ARHGAP8: variants seen among roughly 807,000 people sequenced by gnomAD.
ARHGAP8 encodes Rho GTPase activating protein 8.
Under a neutral mutation model 46.1 loss-of-function variants are expected in ARHGAP8, and 62 were observed. The ratio of observed to expected loss-of-function variants is 1.34; its 90% CI spans 1.10 to 1.66. The LOEUF (loss-of-function observed/expected upper bound fraction) is 1.66. Among genes scored for constraint, ARHGAP8 ranks in the 40% most tolerant of loss-of-function variants. The pLI is 0.00. For missense variants in ARHGAP8, 923 were observed against 568.4 expected, an observed-to-expected ratio of 1.62 and a Z score of -6.34; for synonymous variants, 375 against 243.1, an observed-to-expected ratio of 1.54 and a Z score of -5.05.
chr22:44,761,019 G>T (rs1925090793), intron 1 of ARHGAP8, among the ~76,000 whole-genome samples: 1 of 152,192 alleles, frequency 6.6e-6, no homozygotes, highest in Non-Finnish European at 1.5e-5. Flanking sequence ...AGGAGAAAGG[G>T]CCCACTTGTA....
Position 44,825,754 on chromosome 22 carries a change from C to T in ARHGAP8, c.596+161C>T, listed in dbSNP as rs760499868. Among the ~76,000 whole-genome samples, 7 of 150,482 alleles carry T rather than the reference C, an allele frequency of 4.7e-5. 1 individual carries two copies. The highest frequency in any genetic ancestry group is 1.5e-5 in the Non-Finnish European group (1 of 67,772). ...TGAGCTCATCACTGAGGCCGTGGCTCGCTGCTCAGTGCCTGGTTGGGGGGG... is the reference window on the plus strand; with the variant it reads ...TGAGCTCATCACTGAGGCCGTGGCTTGCTGCTCAGTGCCTGGTTGGGGGGG... On this transcript the variant is annotated intron_variant, in intron 7 of 11. Transcript: ENST00000356099.
Position 44,845,274 on chromosome 22 carries a change from A to G in ARHGAP8, c.602A>G (p.Lys201Arg), listed in dbSNP as rs1158131800. The G allele has an allele frequency of 3.7e-6, 6 of 1,614,140 alleles. No individual in the cohort carries two copies. The highest frequency in any genetic ancestry group is 1.7e-5 in the Admixed American group (1 of 60,018). ...TTTCTTTTCTGTTTTCTCAGCCTCA[A>G]AGACAAAAATCAAGGCGAACTCATC... ...QQFGVSLQYL[K>R]DKNQGELIPP... The change falls in exon 8 of 12, where the codon AAA (lysine) becomes AGA (arginine). Residue 201 changes from lysine (K) to arginine (R), a missense_variant. Physicochemically the swap from Lys to Arg is conservative, Grantham distance 26. Transcript: ENST00000356099.
At chr22:44,814,150 A>C (rs1250384953) in intron 4 of ARHGAP8, among the ~76,000 whole-genome samples, 2 of 152,208 alleles carry the variant, frequency 1.3e-5, no homozygotes, top group Non-Finnish European at 2.9e-5. Flanking sequence ...GAGACTGGGA[A>C]GGAGGGAGAG....
chr22:44,860,410 C>T (rs2070415463), intron 11 of ARHGAP8, among the ~76,000 whole-genome samples: 1 of 151,906 alleles, frequency 6.6e-6, no homozygotes, highest in Non-Finnish European at 1.5e-5. Flanking sequence ...CCAGCTATGC[C>T]TCCAGCTCCC....
intron 3 of ARHGAP8, 129 bp from the exon 4 acceptor site, chr22:44,808,178 C>A (rs990666943): frequency 7.1e-7 from 1 of 1,417,126 alleles, no homozygotes; most frequent in Non-Finnish European, 9.5e-7. Flanking sequence ...GCCCACGGTG[C>A]ATGGAGTCTC....
chr22:44,774,858 T>C (rs1194693484), intron 1 of ARHGAP8, among the ~76,000 whole-genome samples: 2 of 150,958 alleles, frequency 1.3e-5, no homozygotes, highest in African/African-American at 2.4e-5. Context: ...GCGGATGGAG[T>C]CTCACTCTGT....
chr22:44,786,625 A>C lies in ARHGAP8; in HGVS notation c.79+19A>C. 8 of 1,610,300 alleles carry C rather than the reference A, an allele frequency of 5.0e-6. No individual in the cohort carries two copies. The highest frequency in any genetic ancestry group is 6.8e-6 in the Non-Finnish European group (8 of 1,178,680). On this transcript the variant is annotated intron_variant, in intron 2 of 11. Coordinates refer to ENST00000356099, the MANE Select transcript of ARHGAP8 (RefSeq NM_181335.3). Reference sequence around the variant, plus strand: ...GTGGCAGGTAGGGCCCCAGCTGGGCAGTCTGCAGGACCATGGGCAGAGCAG... The same window carrying C: ...GTGGCAGGTAGGGCCCCAGCTGGGCCGTCTGCAGGACCATGGGCAGAGCAG...
chr22:44,814,874 G>T (rs994905613), intron 5 of ARHGAP8, 116 bp downstream of exon 5: 9 of 1,260,176 alleles, frequency 7.1e-6, no homozygotes, highest in Middle Eastern at 5.2e-4. Context: ...GGGTGCCTGT[G>T]TATCTGGGGC....
chr22:44,858,046 G>T (rs4823400), intron 10 of ARHGAP8, among the ~76,000 whole-genome samples: 3,604 of 152,260 alleles, frequency 0.024, 67 homozygotes, highest in Non-Finnish European at 0.036. Flanking sequence ...CACCTGGCTC[G>T]GTTGAAATAC....
At chr22:44,847,492 ATTAAAG>A (rs2069986752) in intron 8 of ARHGAP8, among the ~76,000 whole-genome samples, 2 of 152,188 alleles carry the variant, frequency 1.3e-5, no homozygotes, top group South Asian at 4.1e-4. Context: ...TTTAATTTTA[ATTAAAG>A]TTAAATCCCC....
intron 1 of ARHGAP8, among the ~76,000 whole-genome samples, chr22:44,764,477 A>G (rs1925397283): frequency 6.6e-6 from 1 of 152,128 alleles, no homozygotes; most frequent in Admixed American, 6.5e-5. Flanking sequence ...GGCGCGTGCG[A>G]CGGTGGTTCT....
In ARHGAP8 at chr22:44,774,363, C is replaced by G. The variant is rs140571809; in HGVS notation, c.-71-12094C>G. ...ATCACTGCCGATGTCTGTGCCAAGG[C>G]TGACACAGCTGCAGTGATAGGACAT... is the stretch of plus-strand genomic sequence containing the variant. On this transcript the variant is annotated intron_variant, in intron 1 of 11. Coordinates refer to ENST00000356099, the MANE Select transcript of ARHGAP8 (RefSeq NM_181335.3). Among the ~76,000 whole-genome samples the G allele has an allele frequency of 3.5e-3, 533 of 152,246 alleles. 2 individuals carry two copies. The highest frequency in any genetic ancestry group is 0.012 in the African/African-American group (504 of 41,540).
At chr22:44,824,650 T>C (rs1362526351) in intron 6 of ARHGAP8, among the ~76,000 whole-genome samples, 2 of 98,380 alleles carry the variant, frequency 2.0e-5, no homozygotes, top group Non-Finnish European at 4.3e-5. Context: ...TTTTTTTTTT[T>C]GAGATGGAGT....
chr22:44,807,488 A>C (rs1287959541), intron 3 of ARHGAP8, among the ~76,000 whole-genome samples: 1 of 152,092 alleles, frequency 6.6e-6, no homozygotes, highest in African/African-American at 2.4e-5. Flanking sequence ...ACCTGGAGGG[A>C]AGGAATTGCT....
intron 10 of ARHGAP8, among the ~76,000 whole-genome samples, chr22:44,856,361 C>T (rs556591937): frequency 7.3e-4 from 106 of 145,604 alleles, no homozygotes; most frequent in Admixed American, 1.1e-3. Context: ...ACAACCTCTG[C>T]CTCCCGGGTT....
chr22:44,756,239 G>A (rs903198918), intron 1 of ARHGAP8, among the ~76,000 whole-genome samples: 52 of 151,978 alleles, frequency 3.4e-4, no homozygotes, highest in African/African-American at 1.2e-3. Flanking sequence ...CTACCTGGCC[G>A]TAAAATGAAA....
chr22:44,854,701 C>T (rs536260353), intron 10 of ARHGAP8, among the ~76,000 whole-genome samples: 1 of 152,116 alleles, frequency 6.6e-6, no homozygotes, highest in African/African-American at 2.4e-5. Context: ...TGCAATGGCA[C>T]CATCTCAGCT....
chr22:44,828,237 A>G (rs1465712381), intron 7 of ARHGAP8, among the ~76,000 whole-genome samples: 3 of 152,140 alleles, frequency 2.0e-5, no homozygotes, highest in Non-Finnish European at 4.4e-5. Context: ...TTACTACCAA[A>G]TAGTACTTCC....
chr22:44,800,264 T>C (rs530698585), intron 2 of ARHGAP8, among the ~76,000 whole-genome samples: 1 of 152,076 alleles, frequency 6.6e-6, no homozygotes, highest in South Asian at 2.1e-4. Flanking sequence ...CCACCACGCC[T>C]GGCTAATTTT....
Sources: allele counts gnomAD v4.1 joint callset (sites outside exome capture counted in the v4.1 genomes callset), GRCh38; gene constraint gnomAD v4.1.1; transcripts MANE v1.5; gene names NCBI Gene and HGNC (gene_info 2026-07-23, HGNC 2026-07-21).